The following MKI67 variants were observed in gnomAD, a reference collection of about 807,000 sequenced individuals.
MKI67 encodes marker of proliferation Ki-67.
MKI67 carries 152 observed loss-of-function variants against 233.5 expected under a neutral mutation model. That is an observed-to-expected ratio of 0.65 (90% CI 0.57 to 0.74). The LOEUF (loss-of-function observed/expected upper bound fraction) is 0.74. MKI67 is among the 30% of genes least tolerant of loss of function. The pLI is 0.00. For synonymous variants in MKI67, 1,465 were observed against 1,418.5 expected (o/e 1.03, Z -0.74); for missense variants, 3,940 against 3,885.2 (o/e 1.01, Z -0.37).
intron 12 of MKI67, among the ~76,000 whole-genome samples, chr10:128,109,998 G>T (rs1852634502): frequency 6.6e-6 from 1 of 152,144 alleles, no homozygotes; most frequent in Non-Finnish European, 1.5e-5. Context: ...AGGAATAATT[G>T]CACAGTATAC....
intron 4 of MKI67, among the ~76,000 whole-genome samples, chr10:128,119,582 G>T (rs1852887649): frequency 6.6e-6 from 1 of 152,202 alleles, no homozygotes; most frequent in Non-Finnish European, 1.5e-5. Flanking sequence ...AACAGCCCAG[G>T]TATGATTTGA....
At chr10:128,100,748 G>GT (rs2136123536) in intron 14 of MKI67, among the ~76,000 whole-genome samples, 1 of 152,188 alleles carries the variant, frequency 6.6e-6, no homozygotes, top group East Asian at 1.9e-4. Context: ...CTGGAGGAGG[G>GT]TTGGAGGGCA....
chr10:128,107,241 T>C lies in MKI67; in HGVS notation c.4599A>G (p.Ser1533=), dbSNP rs1852524583. 1.9e-6 allele frequency: 3 copies of C among 1,614,236 alleles called. No homozygotes were observed. The highest frequency in any genetic ancestry group is 1.7e-6 in the Non-Finnish European group (2 of 1,180,040). The part of the protein sequence containing the change: ...EFFALRKRTP[S]AGKAMHTPKP... ...TGGGTGTGTGCATGGCTTTGCCTGCTGATGGTGTTCGTTTCCTGAGTGCGA... is the reference window on the plus strand; with the variant it reads ...TGGGTGTGTGCATGGCTTTGCCTGCCGATGGTGTTCGTTTCCTGAGTGCGA... Residue 1533 remains serine, a synonymous_variant, in exon 13 of 15, where the codon TCA becomes TCG. Coordinates refer to ENST00000368654, the MANE Select transcript of MKI67 (RefSeq NM_002417.5).
At position 128,097,896 on chromosome 10, in the gene MKI67, T is replaced by C. The variant is rs1564995087; in HGVS notation, c.*1294A>G. ...AGTACAAGTCAGTACCGCTGATTTC[T>C]GCATTCATTCAGCAAGTATTTATGA... On this transcript the variant is annotated 3_prime_UTR_variant, in exon 15 of 15. Coordinates refer to ENST00000368654, the MANE Select transcript of MKI67 (RefSeq NM_002417.5). The C allele has an allele frequency of 6.6e-6, 1 of 152,290 alleles. No individual in the cohort carries two copies. 9.4% of individuals were successfully genotyped at this position (152,290 alleles called of 1,614,324 possible). A position where few individuals can be genotyped will look rare whatever the true frequency, so the allele number is the denominator to read the frequency against.
rs1063535 is a variant in MKI67, at chr10:128,104,017, G to A, written c.7823C>T (p.Pro2608Leu). 821,773 of 1,613,566 alleles carry A rather than the reference G, an allele frequency of 0.51. 210,415 individuals are homozygous for A. The highest frequency in any genetic ancestry group is 0.58 in the Admixed American group (35,068 of 59,986). ...GAGCTCCTCTTTTACTTCTTTCCTGGGACGTGTCTTGGGGCATCTCTTTGT... is the reference window on the plus strand; with the variant it reads ...GAGCTCCTCTTTTACTTCTTTCCTGAGACGTGTCTTGGGGCATCTCTTTGT... ...TSTKRCPKTR[P>L]RKEVKEELSA... Residue 2608 changes from proline (P) to leucine (L), a missense_variant, in exon 13 of 15, where the codon CCC becomes CTC. Coordinates refer to ENST00000368654, the MANE Select transcript of MKI67 (RefSeq NM_002417.5).
Position 128,108,753 on chromosome 10 carries a change from C to G in MKI67, c.3087G>C (p.Leu1029=), listed in dbSNP as rs1322110807. Residue 1029 remains leucine, a synonymous_variant, in exon 13 of 15, where the codon CTG becomes CTC. Transcript: ENST00000368654. ...THTKQQLKAS[L]GKVGVKEELL... Reference sequence around the variant, plus strand: ...GCTCTTCTTTCACACCTACTTTCCCCAGGGATGCCTTCAACTGTTGTTTTG... The same window carrying G: ...GCTCTTCTTTCACACCTACTTTCCCGAGGGATGCCTTCAACTGTTGTTTTG... 1 of 1,614,104 alleles carries G rather than the reference C, an allele frequency of 6.2e-7. No individual in the cohort carries two copies. Among genetic ancestry groups the G allele is most frequent in the African/African-American group, 1.3e-5 (1 of 74,928 alleles).
chr10:128,099,785 T>C (rs142152628), intron 14 of MKI67, among the ~76,000 whole-genome samples: 2 of 152,258 alleles, frequency 1.3e-5, no homozygotes, highest in African/African-American at 2.4e-5. Context: ...ATCTTATATA[T>C]GCATTTTCTA....
chr10:128,108,189 C>T lies in MKI67; in HGVS notation c.3651G>A (p.Lys1217=), dbSNP rs139016865. The T allele has an allele frequency of 2.4e-3, 3,837 of 1,613,390 alleles. 16 individuals are homozygous for T. Among genetic ancestry groups the T allele is most frequent in the Middle Eastern group, 8.9e-3 (54 of 6,052 alleles). The change falls in exon 13 of 15, where the codon AAG becomes AAA. Residue 1217 remains lysine (K), a synonymous_variant. Coordinates refer to ENST00000368654, the MANE Select transcript of MKI67 (RefSeq NM_002417.5). ...SKRQLQTPKE[K]AQALEDLAGF... ...CAGCCAGGTCTTCTAGAGCCTGGGCCTTTTCCTTAGGAGTCTGTAGCTGTC... is the reference window on the plus strand; with the variant it reads ...CAGCCAGGTCTTCTAGAGCCTGGGCTTTTTCCTTAGGAGTCTGTAGCTGTC...
At position 128,104,396 on chromosome 10, in the gene MKI67, G is replaced by A. The variant is rs1852422821; in HGVS notation, c.7444C>T (p.Leu2482Phe). The change falls in exon 13 of 15, where the codon CTC becomes TTC. Residue 2482 changes from leucine (L) to phenylalanine (F), a missense_variant. Coordinates refer to ENST00000368654, the MANE Select transcript of MKI67 (RefSeq NM_002417.5). ...TCCACTTTCACCAGGGGTATCTTGA[G>A]CCTTTGCTTGGAGCTTCTTGAGGTT... ...FKTSRSSKQR[L>F]KIPLVKVDMK... The A allele has an allele frequency of 6.2e-7, 1 of 1,614,178 alleles. No individual in the cohort carries two copies. Among genetic ancestry groups the A allele is most frequent in the Non-Finnish European group, 8.5e-7 (1 of 1,180,048 alleles).
chr10:128,106,981 G>A lies in MKI67; in HGVS notation c.4859C>T (p.Pro1620Leu), dbSNP rs750327979. The change falls in exon 13 of 15, where the codon CCA (proline) becomes CTA (leucine). Residue 1620 changes from proline (P) to leucine (L), a missense_variant. Coordinates refer to ENST00000368654, the MANE Select transcript of MKI67 (RefSeq NM_002417.5). ...GCTTGCTGGGTTTTTGTCTGGGTCT[G>A]GTTGTGAAGATTTGCAGGCTACTTT... ...TAKVACKSSQPDPDKNPASSK... is the reference protein window; with the variant it reads ...TAKVACKSSQLDPDKNPASSK... 19 of 1,613,956 alleles carry A rather than the reference G, an allele frequency of 1.2e-5. No homozygotes were observed. In the South Asian group the frequency reaches 1.9e-4, roughly 16 times the overall value.
At chr10:128,118,364 C>T (rs144594573) in intron 5 of MKI67, among the ~76,000 whole-genome samples, 2,707 of 150,238 alleles carry the variant, frequency 0.018, 39 homozygotes, top group Non-Finnish European at 0.026. Context: ...CCACTGCACT[C>T]CAGCCTGGGT....
chr10:128,107,282 C>T lies in MKI67; in HGVS notation c.4558G>A (p.Val1520Ile), dbSNP rs777252533. ...CTGAGTGCGAAGAATTCTTCTTCTA[C>T]GTCCACTTTCCTGAGACTTCTCTTG... is the stretch of plus-strand genomic sequence containing the variant. The part of the protein sequence containing the change: ...QSKRSLRKVD[V>I]EEEFFALRKR... Residue 1520 changes from valine (V) to isoleucine (I), a missense_variant, in exon 13 of 15, where the codon GTA becomes ATA. By Grantham distance (29) the Val-to-Ile change is conservative. Transcript: ENST00000368654. The T allele has an allele frequency of 2.5e-5, 40 of 1,613,854 alleles. No individual in the cohort carries two copies. Among genetic ancestry groups the T allele is most frequent in the African/African-American group, 6.7e-5 (5 of 74,824 alleles).
In MKI67 at chr10:128,108,598, C is replaced by T. The variant is rs149039221; in HGVS notation, c.3242G>A (p.Arg1081His). 65 of 1,614,060 alleles carry T rather than the reference C, an allele frequency of 4.0e-5. No individual in the cohort carries two copies. Among genetic ancestry groups the T allele is most frequent in the Admixed American group, 3.2e-4 (19 of 60,004 alleles). ...SPKQILDPAARVTGMKKWPRT... is the reference protein window; with the variant it reads ...SPKQILDPAAHVTGMKKWPRT... ...TGGCCACTTCTTCATTCCAGTTACA[C>T]GGGCTGCTGGGTCCAGGATCTGCTT... The change falls in exon 13 of 15, where the codon CGT becomes CAT. Residue 1081 changes from arginine to histidine, a missense_variant. Physicochemically the swap from Arg to His is conservative, Grantham distance 29. Transcript: ENST00000368654.
rs1852508707 is a variant in MKI67 at position 128,106,767 on chromosome 10, A to C, written c.5073T>G (p.Thr1691=). The change falls in exon 13 of 15, where the codon ACT becomes ACG. Residue 1691 remains threonine, a synonymous_variant. Coordinates refer to ENST00000368654, the MANE Select transcript of MKI67 (RefSeq NM_002417.5). The part of the protein sequence containing the change: ...KQILDSAASL[T]GSKRQLRTPK... ...GAGTTCTCAGCTGCCTCTTGCTGCCAGTTAGACTTGCTGCTGAGTCTAAGA... is the reference window on the plus strand; with the variant it reads ...GAGTTCTCAGCTGCCTCTTGCTGCCCGTTAGACTTGCTGCTGAGTCTAAGA... 6 of 1,613,960 alleles carry C rather than the reference A, an allele frequency of 3.7e-6. No homozygotes were observed. The highest frequency in any genetic ancestry group is 1.7e-5 in the Admixed American group (1 of 59,986).
Position 128,125,371 on chromosome 10 carries a change from A to ATCAAG in MKI67, c.92+204_92+205insCTTGA, listed in dbSNP as rs1480173854. Reference sequence around the variant, plus strand: ...TTTTTTAATTGGCTTGATTTTTAAAACCACTTAAACATACAAACTAGCATC... The same window carrying ATCAAG: ...TTTTTTAATTGGCTTGATTTTTAAAATCAAGCCACTTAAACATACAAACTAGCATC... On this transcript the variant is annotated intron_variant, in intron 2 of 14. Coordinates refer to ENST00000368654, the MANE Select transcript of MKI67 (RefSeq NM_002417.5). This position sits in a 1 kb window ranked among gnomAD's most constrained non-coding sequence, Gnocchi z 5.3. 4.6e-5 allele frequency among the ~76,000 whole-genome samples: 7 copies of ATCAAG among 152,302 alleles called. No homozygotes were observed. Among genetic ancestry groups the ATCAAG allele is most frequent in the Admixed American group, 3.9e-4 (6 of 15,294 alleles).
Position 128,103,243 on chromosome 10 carries a change from CCT to C in MKI67, c.8595_8596del (p.Glu2867AspfsTer11). On this transcript the variant is annotated frameshift_variant, in exon 13 of 15. Coordinates refer to ENST00000368654, the MANE Select transcript of MKI67 (RefSeq NM_002417.5). LOFTEE classifies it high-confidence loss of function. ...CTCTTTGTCGGTGTGCGTGGTCTCC[CCT>C]GAGGTTTGTGTGAGCTTGCCAACTG... 2 of 1,614,154 alleles carry C rather than the reference CCT, an allele frequency of 1.2e-6. No homozygotes were observed. The highest frequency in any genetic ancestry group is 1.1e-5 in the South Asian group (1 of 91,082).
rs1285442033 is a variant in MKI67, at chr10:128,108,809, G to T, written c.3031C>A (p.Gln1011Lys). 5 of 1,614,088 alleles carry T rather than the reference G, an allele frequency of 3.1e-6. No homozygotes were observed. Among genetic ancestry groups the T allele is most frequent in the Non-Finnish European group, 4.2e-6 (5 of 1,180,052 alleles). ...KITKMPCQSL[Q>K]PEPINTPTHT... Reference sequence around the variant, plus strand: ...GTTGGGGTGTTTATTGGTTCTGGTTGTAATGACTGGCAGGGCATTTTAGTG... The same window carrying T: ...GTTGGGGTGTTTATTGGTTCTGGTTTTAATGACTGGCAGGGCATTTTAGTG... Residue 1011 changes from glutamine to lysine, a missense_variant, in exon 13 of 15, where the codon CAA (glutamine) becomes AAA (lysine). Physicochemically the swap from Gln to Lys is moderately conservative, Grantham distance 53. Coordinates refer to ENST00000368654, the MANE Select transcript of MKI67 (RefSeq NM_002417.5).
In MKI67 at chr10:128,111,964, G is replaced by A; in HGVS notation, c.2051C>T (p.Ser684Leu). The A allele has an allele frequency of 6.2e-7, 1 of 1,613,350 alleles. No individual in the cohort carries two copies. The highest frequency in any genetic ancestry group is 1.3e-5 in the African/African-American group (1 of 74,984). ...TKVIKHGPQR[S>L]MNKRQRRPAT... The stretch of plus-strand genomic sequence containing the variant: ...AGGTCTTCTTTGCCTTTTGTTCATT[G>A]ACCTTTGAGGACCATGTTTTATGAC... The change falls in exon 10 of 15, where the codon TCA becomes TTA. Residue 684 changes from serine (S) to leucine (L), a missense_variant. By Grantham distance (145) the Ser-to-Leu change is moderately radical. Transcript: ENST00000368654.
chr10:128,107,341 G>T lies in MKI67; in HGVS notation c.4499C>A (p.Pro1500Gln), dbSNP rs183983598. Reference protein sequence around the residue: ...TKIACRSQPDPVDTPTSSKPQ... With the variant: ...TKIACRSQPDQVDTPTSSKPQ... The stretch of plus-strand genomic sequence containing the variant: ...CTTGGAGCTTGTTGGTGTGTCCACT[G>T]GGTCTGGTTGTGATCTGCAGGCTAT... Residue 1500 changes from proline to glutamine, a missense_variant, in exon 13 of 15, where the codon CCA becomes CAA. Coordinates refer to ENST00000368654, the MANE Select transcript of MKI67 (RefSeq NM_002417.5). 227 of 1,613,862 alleles carry T rather than the reference G, an allele frequency of 1.4e-4. No homozygotes were observed. Among genetic ancestry groups the T allele is most frequent in the Non-Finnish European group, 1.9e-4 (221 of 1,180,006 alleles).
Sources: allele counts gnomAD v4.1 joint callset (sites outside exome capture counted in the v4.1 genomes callset), GRCh38; gene constraint gnomAD v4.1.1; non-coding constraint Gnocchi (gnomAD v3.1); transcripts MANE v1.5; gene names NCBI Gene and HGNC (gene_info 2026-07-23, HGNC 2026-07-21).